Variants in TACR3 observed in about 807,000 individuals in gnomAD.
The protein encoded by TACR3 is tachykinin receptor 3, also known as neuromedin-K receptor.
TACR3 carries 34 observed loss-of-function variants against 35.0 expected under a neutral mutation model. That is an observed-to-expected ratio of 0.97 (90% CI 0.74 to 1.30). The LOEUF (loss-of-function observed/expected upper bound fraction) is 1.30. Ranked by LOEUF, TACR3 falls within the 50% of genes most tolerant of loss-of-function variation. TACR3 has a pLI of 0.00. For synonymous variants in TACR3, 233 were observed against 221.1 expected (o/e 1.05, Z -0.48); for missense variants, 558 against 591.7 (o/e 0.94, Z 0.59).
intron 3 of TACR3, among the ~76,000 whole-genome samples, chr4:103,601,973 CAG>C (rs1266905716): frequency 6.6e-6 from 1 of 152,200 alleles, no homozygotes; most frequent in Non-Finnish European, 1.5e-5. Context: ...TAGTATCCTG[CAG>C]AGTGTTTTCC....
rs1309392810 is a variant in TACR3 at position 103,586,227 on chromosome 4, A to ATG, written c.*3453_*3454dup. 2.6e-5 allele frequency: 4 copies of ATG among 151,808 alleles called. No homozygotes were observed. The highest frequency in any genetic ancestry group is 2.9e-5 in the Non-Finnish European group (2 of 67,942). The allele number at this position is 151,808 out of a possible 1,614,324, so 9.4% of individuals were successfully genotyped here. On this transcript the variant is annotated 3_prime_UTR_variant, in exon 5 of 5. Coordinates refer to ENST00000304883, the MANE Select transcript of TACR3 (RefSeq NM_001059.3). ...ACAGATTTTTCATATATATATATATATGTATGAAAACACAAAACTAATGAC... is the reference window on the plus strand; with the variant it reads ...ACAGATTTTTCATATATATATATATATGTGTATGAAAACACAAAACTAATGAC...
chr4:103,672,787 C>A (rs968722887), intron 1 of TACR3, among the ~76,000 whole-genome samples: 6 of 152,224 alleles, frequency 3.9e-5, no homozygotes, highest in South Asian at 2.1e-4. Flanking sequence ...CTTCTCCTCT[C>A]TAGCTATGAA....
intron 3 of TACR3, among the ~76,000 whole-genome samples, chr4:103,620,408 A>G (rs936573154): frequency 6.6e-6 from 1 of 152,236 alleles, no homozygotes; most frequent in Non-Finnish European, 1.5e-5. Context: ...ATTACTGGGT[A>G]CACCAAAGAA....
chr4:103,695,763 T>C (rs1722508230), intron 1 of TACR3, among the ~76,000 whole-genome samples: 1 of 151,298 alleles, frequency 6.6e-6, no homozygotes, highest in Non-Finnish European at 1.5e-5. Context: ...CTTCATATAG[T>C]TCTCACATAT....
At chr4:103,662,412 G>A (rs1452115520) in intron 1 of TACR3, among the ~76,000 whole-genome samples, 2 of 151,974 alleles carry the variant, frequency 1.3e-5, no homozygotes, top group Non-Finnish European at 2.9e-5. Flanking sequence ...GTAGAGAGGG[G>A]GTTTCCCATA....
At chr4:103,624,745 A>C (rs2110306325) in intron 3 of TACR3, among the ~76,000 whole-genome samples, 1 of 152,288 alleles carries the variant, frequency 6.6e-6, no homozygotes, top group African/African-American at 2.4e-5. Flanking sequence ...TTATTTTTCT[A>C]TTTGTAATTC....
chr4:103,656,114 A>G, intron 3 of TACR3, 80 bp downstream of exon 3: 2 of 1,533,658 alleles, frequency 1.3e-6, no homozygotes, highest in Admixed American at 1.7e-5. Context: ...ATATTGTATT[A>G]ACATGCCATG....
intron 3 of TACR3, among the ~76,000 whole-genome samples, chr4:103,597,299 T>A (rs987188470): frequency 2.0e-5 from 3 of 152,116 alleles, no homozygotes; most frequent in Non-Finnish European, 4.4e-5. Flanking sequence ...CCATTCTAAC[T>A]GGTGTGAGAT....
intron 3 of TACR3, among the ~76,000 whole-genome samples, chr4:103,634,057 T>G (rs1414048922): frequency 1.3e-5 from 2 of 152,124 alleles, no homozygotes; most frequent in Admixed American, 1.3e-4. Flanking sequence ...GTTATACTTC[T>G]AATGCAAAAC....
rs1165140561 is a variant in TACR3 at position 103,586,134 on chromosome 4, A to G, written c.*3548T>C. The stretch of plus-strand genomic sequence containing the variant: ...GGTGTAAATACATTAAACATATTCA[A>G]TATAATTACCACAACTTGAAAATAC... On this transcript the variant is annotated 3_prime_UTR_variant, in exon 5 of 5. Transcript: ENST00000304883. 2 of 152,172 alleles carry G rather than the reference A, an allele frequency of 1.3e-5. No homozygotes were observed. Among genetic ancestry groups the G allele is most frequent in the Admixed American group, 1.3e-4 (2 of 15,250 alleles). 9.4% of individuals were successfully genotyped at this position (152,172 alleles called of 1,614,324 possible). A position where few individuals can be genotyped will look rare whatever the true frequency, so the allele number is the denominator to read the frequency against.
chr4:103,618,193 G>A (rs1578228902), intron 3 of TACR3, among the ~76,000 whole-genome samples: 4 of 152,192 alleles, frequency 2.6e-5, no homozygotes, highest in Middle Eastern at 6.8e-3. Flanking sequence ...TGTCTTCCAC[G>A]ATGTTTATAA....
chr4:103,668,197 C>A (rs574007640), intron 1 of TACR3, among the ~76,000 whole-genome samples: 1 of 152,182 alleles, frequency 6.6e-6, no homozygotes, highest in Non-Finnish European at 1.5e-5. Flanking sequence ...GGTTCCAGAC[C>A]ACCACAATAA....
At chr4:103,633,699 T>C (rs1725118455) in intron 3 of TACR3, among the ~76,000 whole-genome samples, 1 of 152,130 alleles carries the variant, frequency 6.6e-6, no homozygotes, top group Admixed American at 6.6e-5. Flanking sequence ...CTTAGAATAA[T>C]AGTCTCTAAC....
chr4:103,626,432 C>T (rs72945349), intron 3 of TACR3, among the ~76,000 whole-genome samples: 16,916 of 151,272 alleles, frequency 0.11, 972 homozygotes, highest in African/African-American at 0.13. Flanking sequence ...TTTTTTTTGA[C>T]GAATTTTTGT....
At position 103,589,710 on chromosome 4, in the gene TACR3, G is replaced by A. The variant is rs1483292600; in HGVS notation, c.1370C>T (p.Pro457Leu). 1.2e-6 allele frequency: 2 copies of A among 1,613,908 alleles called. No homozygotes were observed. The highest frequency in any genetic ancestry group is 2.2e-5 in the South Asian group (2 of 91,078). ...ASATSSFISS[P>L]YTSVDEYS ...AGAATATTCATCCACAGAGGTATAG[G>A]GTGAGCTTATGAAACTTGAAGTGGC... The change falls in exon 5 of 5, where the codon CCC (proline) becomes CTC (leucine). Residue 457 changes from proline (P) to leucine (L), a missense_variant. Transcript: ENST00000304883.
chr4:103,659,491 C>G (rs115235051), intron 1 of TACR3, among the ~76,000 whole-genome samples: 2,853 of 152,146 alleles, frequency 0.019, 83 homozygotes, highest in African/African-American at 0.066. Flanking sequence ...GGTCCATAAA[C>G]CCATTTAAGA....
intron 3 of TACR3, among the ~76,000 whole-genome samples, chr4:103,647,103 T>A (rs1220289386): frequency 6.6e-6 from 1 of 151,892 alleles, no homozygotes; most frequent in Non-Finnish European, 1.5e-5. Flanking sequence ...TCTAGAATAG[T>A]TTTTTACAAC....
chr4:103,609,298 A>C (rs1724461400), intron 3 of TACR3, among the ~76,000 whole-genome samples: 3 of 152,152 alleles, frequency 2.0e-5, no homozygotes. Flanking sequence ...ATATTGTGTT[A>C]GTGTGATTTA....
chr4:103,639,076 C>T (rs71597165), intron 3 of TACR3, among the ~76,000 whole-genome samples: 6 of 152,138 alleles, frequency 3.9e-5, no homozygotes, highest in Non-Finnish European at 7.4e-5. Flanking sequence ...TTGACCCAGC[C>T]ATCCCATTAC....
Sources: gnomAD v4.1 joint callset for allele counts (sites outside exome capture counted in the v4.1 genomes callset) on GRCh38, gnomAD v4.1.1 for gene constraint, MANE v1.5 for transcripts, NCBI Gene and HGNC (gene_info 2026-07-23, HGNC 2026-07-21) for gene names.